The following KPNA4 variants were observed in gnomAD, a reference collection of about 807,000 sequenced individuals.
KPNA4 encodes the protein karyopherin subunit alpha 4.
Under a neutral mutation model 71.3 loss-of-function variants are expected in KPNA4, and 13 were observed. The ratio of observed to expected loss-of-function variants is 0.18; its 90% CI spans 0.12 to 0.29. The LOEUF is 0.29. Among genes scored for constraint, KPNA4 ranks in the 10% least tolerant of loss-of-function variants. The pLI is 1.00. For missense variants in KPNA4, 334 were observed against 603.2 expected, an observed-to-expected ratio of 0.55 and a Z score of 4.67; for synonymous variants, 189 against 195.2, an observed-to-expected ratio of 0.97 and a Z score of 0.26.
At chr3:160,502,370 T>C (rs116475044) in intron 16 of KPNA4, among the ~76,000 whole-genome samples, 168 bp from the exon 17 acceptor site, 2,542 of 152,084 alleles carry the variant, frequency 0.017, 55 homozygotes, top group African/African-American at 0.046. Flanking sequence ...AAGGTTTTTT[T>C]TTTCTTTCTT....
At chr3:160,504,022 T>A (rs1720935263) in intron 16 of KPNA4, among the ~76,000 whole-genome samples, 1 of 152,090 alleles carries the variant, frequency 6.6e-6, no homozygotes, top group Non-Finnish European at 1.5e-5. Flanking sequence ...AGGGGGAGGT[T>A]GCAGTGAGCT....
chr3:160,498,866 T>C lies in KPNA4; in HGVS notation c.*3238A>G, dbSNP rs1182802555. ...ATGTTGTGTTTTAAGACACTAAATT[T>C]ATGGTAATTATACCAAAATTACACA... On this transcript the variant is annotated 3_prime_UTR_variant, in exon 17 of 17. Transcript: ENST00000334256. 1 of 152,212 alleles carries C rather than the reference T, an allele frequency of 6.6e-6. No individual in the cohort carries two copies. The highest frequency in any genetic ancestry group is 6.5e-5 in the Admixed American group (1 of 15,270). 9.4% of individuals were successfully genotyped at this position (152,212 alleles called of 1,614,324 possible).
chr3:160,525,192 T>C (rs1481996788), intron 10 of KPNA4, among the ~76,000 whole-genome samples: 1 of 146,054 alleles, frequency 6.8e-6, no homozygotes, highest in Admixed American at 6.9e-5. Flanking sequence ...CCTGCACTGA[T>C]TTTTTTTTCC....
intron 11 of KPNA4, among the ~76,000 whole-genome samples, chr3:160,518,214 G>A (rs996531280): frequency 6.7e-6 from 1 of 149,398 alleles, no homozygotes. Flanking sequence ...TGCAAGCTCC[G>A]CCTCCCGGGT....
Position 160,502,051 on chromosome 3 carries a change from T to A in KPNA4, c.*53A>T. 2 of 365,484 alleles carry A rather than the reference T, an allele frequency of 5.5e-6. No homozygotes were observed. Among genetic ancestry groups the A allele is most frequent in the Non-Finnish European group, 9.8e-6 (2 of 204,850 alleles). 22.6% of individuals were successfully genotyped at this position (365,484 alleles called of 1,614,324 possible). ...ATATATATATATATACACACACACA[T>A]ATATATATATATATCTCAGTGCTGC... On this transcript the variant is annotated 3_prime_UTR_variant, in exon 17 of 17. Transcript: ENST00000334256.
chr3:160,517,537 C>CA (rs1721254020), intron 11 of KPNA4, among the ~76,000 whole-genome samples: 1 of 151,972 alleles, frequency 6.6e-6, no homozygotes, highest in Admixed American at 6.6e-5. Flanking sequence ...GAGGCACTGC[C>CA]AAAACTATAT....
chr3:160,511,058 G>A (rs1317825612), intron 13 of KPNA4, among the ~76,000 whole-genome samples: 1 of 151,130 alleles, frequency 6.6e-6, no homozygotes, highest in African/African-American at 2.4e-5. Context: ...CCCAAGTGCT[G>A]GGATTACACG....
At chr3:160,550,968 C>G (rs567772074) in intron 1 of KPNA4, among the ~76,000 whole-genome samples, 53 of 152,228 alleles carry the variant, frequency 3.5e-4, no homozygotes, top group African/African-American at 1.3e-3. Context: ...CTGTAGTTTT[C>G]TTTTCTTATA....
Position 160,565,508 on chromosome 3 carries a change from G to A in KPNA4, c.-226C>T. 1 of 545,206 alleles carries A rather than the reference G, an allele frequency of 1.8e-6. No individual in the cohort carries two copies. The highest frequency in any genetic ancestry group is 3.2e-6 in the Non-Finnish European group (1 of 310,584). The allele number at this position is 545,206 out of a possible 1,614,324, so 33.8% of individuals were successfully genotyped here. ...TGCAGCTCCGGCAAAGACAACTGTG[G>A]GGCCGGGCGGCGGCAAGGCGACGGA... On this transcript the variant is annotated 5_prime_UTR_variant, in exon 1 of 17. Coordinates refer to ENST00000334256, the MANE Select transcript of KPNA4 (RefSeq NM_002268.5).
Position 160,499,169 on chromosome 3 carries a change from C to T in KPNA4, c.*2935G>A, listed in dbSNP as rs1459313226. 1.3e-5 allele frequency: 2 copies of T among 152,142 alleles called. No individual in the cohort carries two copies. The highest frequency in any genetic ancestry group is 4.8e-5 in the African/African-American group (2 of 41,430). The allele number at this position is 152,142 out of a possible 1,614,324, so 9.4% of individuals were successfully genotyped here. A position where few individuals can be genotyped will look rare whatever the true frequency, so the allele number is the denominator to read the frequency against. On this transcript the variant is annotated 3_prime_UTR_variant, in exon 17 of 17. Transcript: ENST00000334256. ...ATAGATAGCTCTAATTATAGAAATGCTCCAGGTTTGGTCCAGAGCAATGTG... is the reference window on the plus strand; with the variant it reads ...ATAGATAGCTCTAATTATAGAAATGTTCCAGGTTTGGTCCAGAGCAATGTG...
chr3:160,531,906 C>T (rs1721582090), intron 5 of KPNA4, among the ~76,000 whole-genome samples: 1 of 152,092 alleles, frequency 6.6e-6, no homozygotes, highest in South Asian at 2.1e-4. Context: ...GATTCTCCTG[C>T]CTCAGTCTCC....
intron 1 of KPNA4, among the ~76,000 whole-genome samples, chr3:160,537,270 A>G (rs1299770579): frequency 1.3e-5 from 2 of 150,792 alleles, no homozygotes. Flanking sequence ...GCTCACCCAC[A>G]ATTTCCTTAT....
intron 11 of KPNA4, among the ~76,000 whole-genome samples, chr3:160,518,732 G>A (rs1476585044): frequency 6.6e-6 from 1 of 151,860 alleles, no homozygotes; most frequent in Non-Finnish European, 1.5e-5. Context: ...ATGGTAGCAG[G>A]CACCTGTAAT....
chr3:160,544,532 C>T (rs1280038843), intron 1 of KPNA4, among the ~76,000 whole-genome samples: 1 of 152,182 alleles, frequency 6.6e-6, no homozygotes, highest in African/African-American at 2.4e-5. Flanking sequence ...CAAGATCATG[C>T]CAGCATGGGT....
chr3:160,550,671 A>G (rs1414170928), intron 1 of KPNA4, among the ~76,000 whole-genome samples: 1 of 151,990 alleles, frequency 6.6e-6, no homozygotes, highest in African/African-American at 2.4e-5. Flanking sequence ...TGTTGAGATA[A>G]TTTTCTTCTA....
At position 160,519,651 on chromosome 3, in the gene KPNA4, C is replaced by T. The variant is rs547920423; in HGVS notation, c.903+2128G>A. On this transcript the variant is annotated intron_variant, in intron 11 of 16. Coordinates refer to ENST00000334256, the MANE Select transcript of KPNA4 (RefSeq NM_002268.5). Reference sequence around the variant, plus strand: ...CTACTAAAAAATACAAAAAATTAGCCGGGCGCGGTGGTGGGCGCCTGTAGT... The same window carrying T: ...CTACTAAAAAATACAAAAAATTAGCTGGGCGCGGTGGTGGGCGCCTGTAGT... 8.0e-3 allele frequency among the ~76,000 whole-genome samples: 1,213 copies of T among 151,094 alleles called. 13 individuals carry two copies. The highest frequency in any genetic ancestry group is 1.0e-2 in the Non-Finnish European group (677 of 67,764).
chr3:160,509,857 A>T lies in KPNA4; in HGVS notation c.1152T>A (p.Thr384=), dbSNP rs1461422984. The change falls in exon 14 of 17, where the codon ACT becomes ACA. Residue 384 remains threonine, a synonymous_variant. Transcript: ENST00000334256. ...IHLLDKGDFG[T]QKEAAWAISN... ...TTATGGCCCAAGCAGCTTCTTTTTG[A>T]GTGCCAAAATCCCCCTGTAAAAAGG... is the stretch of plus-strand genomic sequence containing the variant. The T allele has an allele frequency of 6.2e-7, 1 of 1,612,484 alleles. No individual in the cohort carries two copies. The highest frequency in any genetic ancestry group is 1.3e-5 in the African/African-American group (1 of 75,002).
At chr3:160,555,580 G>A (rs1169646322) in intron 1 of KPNA4, among the ~76,000 whole-genome samples, 1 of 152,108 alleles carries the variant, frequency 6.6e-6, no homozygotes, top group Non-Finnish European at 1.5e-5. Context: ...ACAATATATT[G>A]TAAGAAAAGT....
intron 8 of KPNA4, among the ~76,000 whole-genome samples, chr3:160,527,097 A>C (rs1721475509): frequency 6.6e-6 from 1 of 152,202 alleles, no homozygotes; most frequent in Admixed American, 6.5e-5. Context: ...GATTATTTCC[A>C]TGCAAGAATA....
Sources: allele counts gnomAD v4.1 joint callset (sites outside exome capture counted in the v4.1 genomes callset), GRCh38; gene constraint gnomAD v4.1.1; transcripts MANE v1.5; gene names NCBI Gene and HGNC (gene_info 2026-07-23, HGNC 2026-07-21).